Variants in ATP10D observed in about 807,000 individuals in gnomAD.
ATP10D encodes phospholipid-transporting ATPase VD.
ATP10D carries 89 observed loss-of-function variants against 144.8 expected under a neutral mutation model. The ratio of observed to expected loss-of-function variants is 0.61; its 90% CI spans 0.52 to 0.73. ATP10D has a LOEUF of 0.73. Ranked by LOEUF, ATP10D falls within the 30% of genes least tolerant of loss-of-function variation. ATP10D has a pLI of 0.00. For missense variants in ATP10D, 1,603 were observed against 1,714.8 expected (o/e 0.93, Z 1.15); for synonymous variants, 571 against 615.1 (o/e 0.93, Z 1.06).
intron 18 of ATP10D, among the ~76,000 whole-genome samples, chr4:47,574,473 G>A (rs1481511769): frequency 1.3e-5 from 2 of 152,184 alleles, no homozygotes; most frequent in Non-Finnish European, 2.9e-5. Context: ...TTGGATGTTG[G>A]ACAACCTTTG....
intron 16 of ATP10D, among the ~76,000 whole-genome samples, chr4:47,571,089 G>A (rs528429930): frequency 6.4e-4 from 98 of 152,134 alleles, no homozygotes; most frequent in Admixed American, 1.4e-3. Context: ...TGAAAAGATA[G>A]CATCACTTTT....
chr4:47,545,593 TAAGA>T (rs66754485), intron 9 of ATP10D, among the ~76,000 whole-genome samples: 35,426 of 151,826 alleles, frequency 0.23, 4,095 homozygotes, highest in Admixed American at 0.3. Flanking sequence ...ACTTTGAAAA[TAAGA>T]AAGAAGATAG....
chr4:47,592,038 T>C lies in ATP10D; in HGVS notation c.*657T>C, dbSNP rs939739491. On this transcript the variant is annotated 3_prime_UTR_variant, in exon 23 of 23. Coordinates refer to ENST00000273859, the MANE Select transcript of ATP10D (RefSeq NM_020453.4). ...ATGTTTTCCTGAGGTGGAGCCTTCA[T>C]TGGAAAGGGGAAAGAGGGATTCTAG... 2.6e-5 allele frequency: 4 copies of C among 152,256 alleles called. No homozygotes were observed. The highest frequency in any genetic ancestry group is 7.2e-5 in the African/African-American group (3 of 41,420). 9.4% of individuals were successfully genotyped at this position (152,256 alleles called of 1,614,324 possible). A position where few individuals can be genotyped will look rare whatever the true frequency, so the allele number is the denominator to read the frequency against.
intron 12 of ATP10D, among the ~76,000 whole-genome samples, 182 bp from the exon 13 acceptor site, chr4:47,558,741 G>A (rs532458631): frequency 9.3e-4 from 142 of 152,180 alleles, no homozygotes; most frequent in Non-Finnish European, 1.5e-3. Context: ...CTGCCCAAGG[G>A]GAAAGAAACG....
chr4:47,585,110 T>C (rs1376447631), intron 21 of ATP10D, among the ~76,000 whole-genome samples: 1 of 152,226 alleles, frequency 6.6e-6, no homozygotes, highest in East Asian at 1.9e-4. Context: ...TCTGTTTTCA[T>C]ACTTCCGATT....
At chr4:47,590,914 C>T in intron 22 of ATP10D, 128 bp from the exon 23 acceptor site, 1 of 563,912 alleles carries the variant, frequency 1.8e-6, no homozygotes, top group Non-Finnish European at 3.0e-6. Context: ...GGTTACCCTC[C>T]CCCTTTATTT....
chr4:47,558,202 C>G lies in ATP10D; in HGVS notation c.2363C>G (p.Ser788Cys), dbSNP rs1719093864. Residue 788 changes from serine (S) to cysteine (C), a missense_variant, in exon 12 of 23, where the codon TCC (serine) becomes TGC (cysteine). Ser to Cys is a moderately radical substitution (Grantham distance 112, BLOSUM62 -1). Coordinates refer to ENST00000273859, the MANE Select transcript of ATP10D (RefSeq NM_020453.4). ...TCTGTTGTGGTCCGACACCCTCTTTCCAATCAAGTTGTGGTGTATACGAAA... is the reference window on the plus strand; with the variant it reads ...TCTGTTGTGGTCCGACACCCTCTTTGCAATCAAGTTGTGGTGTATACGAAA... ...RMSVVVRHPL[S>C]NQVVVYTKGA... 6.2e-7 allele frequency: 1 copy of G among 1,614,092 alleles called. No individual in the cohort carries two copies. Among genetic ancestry groups the G allele is most frequent in the Admixed American group, 1.7e-5 (1 of 60,014 alleles).
chr4:47,554,855 A>T lies in ATP10D; in HGVS notation c.1765A>T (p.Ile589Phe). 6.2e-7 allele frequency: 1 copy of T among 1,614,174 alleles called. No homozygotes were observed. The stretch of plus-strand genomic sequence containing the variant: ...AACTTTGTACATTATCGACTTTTTC[A>T]TTGCATTGGCAATTTGCAACACAGT... The part of the protein sequence containing the change: ...METLYIIDFF[I>F]ALAICNTVVV... The change falls in exon 11 of 23, where the codon ATT (isoleucine) becomes TTT (phenylalanine). Residue 589 changes from isoleucine (I) to phenylalanine (F), a missense_variant. Ile to Phe is a conservative substitution (Grantham distance 21). Coordinates refer to ENST00000273859, the MANE Select transcript of ATP10D (RefSeq NM_020453.4).
At position 47,593,300 on chromosome 4, in the gene ATP10D, T is replaced by C. The variant is rs1369182452; in HGVS notation, c.*1919T>C. 6.6e-6 allele frequency: 1 copy of C among 152,118 alleles called. No individual in the cohort carries two copies. The highest frequency in any genetic ancestry group is 6.6e-5 in the Admixed American group (1 of 15,256). 9.4% of individuals were successfully genotyped at this position (152,118 alleles called of 1,614,324 possible). ...CTCCAAACCTCTGAAAACTGAAATA[T>C]TTTTCATAAATTAGGCGTAAATTCT... On this transcript the variant is annotated 3_prime_UTR_variant, in exon 23 of 23. Transcript: ENST00000273859.
In ATP10D at chr4:47,536,261, AAG is replaced by A. The variant is rs111273743; in HGVS notation, c.1016-158_1016-157del. Among the ~76,000 whole-genome samples the A allele has an allele frequency of 4.2e-3, 627 of 149,562 alleles. 4 individuals carry two copies. The highest frequency in any genetic ancestry group is 0.014 in the African/African-American group (575 of 41,056). On this transcript the variant is annotated intron_variant, in intron 7 of 22. Coordinates refer to ENST00000273859, the MANE Select transcript of ATP10D (RefSeq NM_020453.4). Reference sequence around the variant, plus strand: ...AGAAACCTGGAGAGTGACTTAAAGAAAGAGAGAGAGAGAGAGAGAATGTATAG... The same window carrying A: ...AGAAACCTGGAGAGTGACTTAAAGAAAGAGAGAGAGAGAGAGAATGTATAG...
chr4:47,540,101 T>G (rs1421828057), intron 9 of ATP10D, among the ~76,000 whole-genome samples: 1 of 152,220 alleles, frequency 6.6e-6, no homozygotes, highest in African/African-American at 2.4e-5. Flanking sequence ...TAAACACATG[T>G]GTATACACAC....
intron 22 of ATP10D, among the ~76,000 whole-genome samples, chr4:47,588,590 G>A (rs759208988): frequency 6.6e-5 from 10 of 152,078 alleles, no homozygotes; most frequent in Non-Finnish European, 7.4e-5. Context: ...AGGTTTGCCC[G>A]CTCTGATCTG....
intron 1 of ATP10D, among the ~76,000 whole-genome samples, chr4:47,511,651 C>A (rs942275675): frequency 6.6e-6 from 1 of 152,028 alleles, no homozygotes; most frequent in Non-Finnish European, 1.5e-5. Context: ...AGCAAAGCAC[C>A]CCAAAACTTA....
rs73138057 is a variant in ATP10D, at chr4:47,494,003, C to T, written c.-38+8484C>T. 9.7e-3 allele frequency among the ~76,000 whole-genome samples: 1,477 copies of T among 152,200 alleles called. 22 individuals are homozygous for T. The highest frequency in any genetic ancestry group is 0.033 in the African/African-American group (1,383 of 41,516). ...TCATTTACTTTCCTGTATGCTGTTT[C>T]AGATACCTCTGTGTTATTACTAAGC... On this transcript the variant is annotated intron_variant, in intron 1 of 22. Transcript: ENST00000273859.
chr4:47,522,994 ACT>A lies in ATP10D; in HGVS notation c.486-17_486-16del. The stretch of plus-strand genomic sequence containing the variant: ...CACTTGATATTCTTTTTTTTTTTTA[ACT>A]TTTTTTTAATTACAGGAAAGAGAAA... On this transcript the variant is annotated splice_polypyrimidine_tract_variant and intron_variant, in intron 3 of 22. Coordinates refer to ENST00000273859, the MANE Select transcript of ATP10D (RefSeq NM_020453.4). 6.5e-7 allele frequency: 1 copy of A among 1,534,066 alleles called. No individual in the cohort carries two copies.
intron 1 of ATP10D, among the ~76,000 whole-genome samples, chr4:47,488,992 T>C (rs374058167): frequency 3.9e-5 from 6 of 152,332 alleles, no homozygotes; most frequent in African/African-American, 1.4e-4. Context: ...CCTCTAGAAC[T>C]TTAGGAAATA....
chr4:47,489,255 G>A (rs138239253), intron 1 of ATP10D, among the ~76,000 whole-genome samples: 58 of 152,190 alleles, frequency 3.8e-4, no homozygotes, highest in African/African-American at 1.3e-3. Flanking sequence ...ATTAACAAAC[G>A]TGGACAACAA....
chr4:47,537,371 C>T (rs1046948371), intron 9 of ATP10D, among the ~76,000 whole-genome samples: 20 of 152,216 alleles, frequency 1.3e-4, no homozygotes, highest in African/African-American at 4.6e-4. Flanking sequence ...GCAAAATGAG[C>T]TGAACTTCTG....
At chr4:47,507,997 G>C (rs1361308402) in intron 1 of ATP10D, among the ~76,000 whole-genome samples, 2 of 152,276 alleles carry the variant, frequency 1.3e-5, no homozygotes, top group East Asian at 1.9e-4. Flanking sequence ...AACTCATTGG[G>C]AGTACTAACT....
Sources: gnomAD v4.1 joint callset for allele counts (sites outside exome capture counted in the v4.1 genomes callset) on GRCh38, gnomAD v4.1.1 for gene constraint, MANE v1.5 for transcripts, NCBI Gene and HGNC (gene_info 2026-07-23, HGNC 2026-07-21) for gene names.